Variants in LRRC9 observed in about 807,000 individuals in gnomAD.
LRRC9 encodes leucine-rich repeat-containing protein 9.
In LRRC9, 122 loss-of-function variants were observed where a neutral mutation model predicts 63.2. The observed-to-expected ratio is 1.93, with a 90% confidence interval of 1.67 to 2.24. LRRC9 has a LOEUF of 2.24. Ranked by LOEUF, LRRC9 falls within the 30% of genes most tolerant of loss-of-function variation. The pLI, the probability that LRRC9 is intolerant of heterozygous loss-of-function variation, is 0.00. For missense variants in LRRC9, 1,071 were observed against 627.7 expected, an observed-to-expected ratio of 1.71 and a Z score of -7.55; for synonymous variants, 366 against 213.1, an observed-to-expected ratio of 1.72 and a Z score of -6.25.
At chr14:59,979,994 CTCA>C (rs1247807081) in intron 15 of LRRC9, among the ~76,000 whole-genome samples, 1 of 151,830 alleles carries the variant, frequency 6.6e-6, no homozygotes, top group Admixed American at 6.6e-5. Context: ...AAAAGAAAAA[CTCA>C]TCATTTTAAT....
chr14:59,960,353 C>T (rs1226717367), intron 9 of LRRC9, among the ~76,000 whole-genome samples: 1 of 152,124 alleles, frequency 6.6e-6, no homozygotes, highest in Non-Finnish European at 1.5e-5. Flanking sequence ...TGGCAAAGCC[C>T]AAACACAGTA....
At chr14:59,978,278 A>T (rs1278565597) in intron 15 of LRRC9, 146 bp downstream of exon 15, 1 of 521,454 alleles carries the variant, frequency 1.9e-6, no homozygotes, top group East Asian at 3.1e-5. Flanking sequence ...TTAATTTTCA[A>T]AACAAGTCAA....
At chr14:60,013,643 G>A (rs2216389) in intron 23 of LRRC9, among the ~76,000 whole-genome samples, 7,776 of 152,032 alleles carry the variant, frequency 0.051, 626 homozygotes, top group African/African-American at 0.17. Context: ...TGGACTGACC[G>A]TTTTATCAGT....
chr14:60,039,041 G>A (rs554855970), intron 29 of LRRC9, among the ~76,000 whole-genome samples: 1 of 152,238 alleles, frequency 6.6e-6, no homozygotes, highest in South Asian at 2.1e-4. Flanking sequence ...TTTGTCCTTG[G>A]TTCTGTTTAT....
chr14:59,975,042 T>C (rs1470821363), intron 13 of LRRC9, among the ~76,000 whole-genome samples: 1 of 55,726 alleles, frequency 1.8e-5, no homozygotes, highest in African/African-American at 3.7e-5. Flanking sequence ...AGCATATATA[T>C]ATATATATAT....
At chr14:60,057,036 T>C (rs1894336475) in intron 30 of LRRC9, among the ~76,000 whole-genome samples, 1 of 152,208 alleles carries the variant, frequency 6.6e-6, no homozygotes, top group Non-Finnish European at 1.5e-5. Context: ...TGAGCAGCTT[T>C]AGTAAAAGGA....
chr14:59,931,499 G>A, intron 4 of LRRC9, 120 bp from the exon 5 acceptor site: 1 of 521,280 alleles, frequency 1.9e-6, no homozygotes, highest in Non-Finnish European at 3.4e-6. Context: ...TTCTGTGCTT[G>A]TGGAGTACAA....
intron 9 of LRRC9, among the ~76,000 whole-genome samples, 166 bp downstream of exon 9, chr14:59,960,180 T>C (rs1253276458): frequency 6.6e-6 from 1 of 152,212 alleles, no homozygotes; most frequent in East Asian, 1.9e-4. Flanking sequence ...CATATAAGCA[T>C]CATGGGATAA....
At chr14:59,946,682 G>C (rs1330442427) in intron 8 of LRRC9, among the ~76,000 whole-genome samples, 2 of 135,792 alleles carry the variant, frequency 1.5e-5, no homozygotes, top group African/African-American at 2.8e-5. Context: ...ACAGTCCCCA[G>C]AGTGTGATAT....
rs1029149868 is a variant in LRRC9, at chr14:59,932,812, G to A, written c.543+773G>A. ...CTGTGTTTGTCCTTTCCCTACTATA[G>A]ATCTGTTCTCCACACAGAAGCCTGA... On this transcript the variant is annotated intron_variant, in intron 6 of 31. Coordinates refer to ENST00000445360, the Ensembl canonical transcript of LRRC9. This position sits in a 1 kb window ranked among gnomAD's most constrained non-coding sequence, Gnocchi z 4.7. Among the ~76,000 whole-genome samples, 1 of 152,016 alleles carries A rather than the reference G, an allele frequency of 6.6e-6. No individual in the cohort carries two copies. Among genetic ancestry groups the A allele is most frequent in the African/African-American group, 2.4e-5 (1 of 41,392 alleles).
At chr14:60,049,698 T>C (rs947340222) in intron 29 of LRRC9, among the ~76,000 whole-genome samples, 2 of 152,216 alleles carry the variant, frequency 1.3e-5, no homozygotes, top group African/African-American at 4.8e-5. Flanking sequence ...TTCTTTCATT[T>C]TGACCTTGGA....
intron 9 of LRRC9, 22 bp downstream of exon 9, chr14:59,960,036 G>T (rs947965691): frequency 1.6e-6 from 1 of 630,336 alleles, no homozygotes; most frequent in African/African-American, 1.8e-5. Flanking sequence ...TAATTATCTA[G>T]TTGTTCTGAT....
chr14:59,954,358 C>G (rs1174021969), intron 8 of LRRC9, among the ~76,000 whole-genome samples: 1 of 151,840 alleles, frequency 6.6e-6, no homozygotes, highest in Non-Finnish European at 1.5e-5. Flanking sequence ...GTTTGTAGTT[C>G]TTGAAGAGGT....
rs1180681224 is a variant in LRRC9, at chr14:59,966,839, T to A, written c.1388+74T>A. ...ATTTGTAAAATTTCTATTTTAAAAG[T>A]TTACAGCATTAAAAATATACATATA... On this transcript the variant is annotated intron_variant, in intron 11 of 31. Transcript: ENST00000445360. This position sits in a 1 kb window ranked among gnomAD's most constrained non-coding sequence, Gnocchi z 4.0. 5.3e-6 allele frequency: 3 copies of A among 568,298 alleles called. No homozygotes were observed. Among genetic ancestry groups the A allele is most frequent in the Non-Finnish European group, 9.4e-6 (3 of 318,510 alleles). 35.2% of individuals were successfully genotyped at this position (568,298 alleles called of 1,614,324 possible). A position where few individuals can be genotyped will look rare whatever the true frequency, so the allele number is the denominator to read the frequency against.
chr14:60,032,480 C>G (rs984710983), intron 29 of LRRC9, among the ~76,000 whole-genome samples: 1 of 148,826 alleles, frequency 6.7e-6, no homozygotes, highest in Non-Finnish European at 1.5e-5. Context: ...ATTTTAGGAA[C>G]TAACTCCTCA....
In LRRC9 at chr14:59,977,866, G is replaced by T. The variant is rs1345574790; in HGVS notation, c.1763-151G>T. The T allele has an allele frequency of 1.2e-5, 6 of 508,034 alleles. No homozygotes were observed. The South Asian group carries it at 1.9e-4, about 16-fold the overall frequency. The allele number at this position is 508,034 out of a possible 1,614,324, so 31.5% of individuals were successfully genotyped here. On this transcript the variant is annotated intron_variant, in intron 14 of 31. Coordinates refer to ENST00000445360, the Ensembl canonical transcript of LRRC9. ...ATAACTGTCGCAACTTACTGAGTTTGTTATTTATTTAAAAATGAAAGAAAA... is the reference window on the plus strand; with the variant it reads ...ATAACTGTCGCAACTTACTGAGTTTTTTATTTATTTAAAAATGAAAGAAAA...
intron 22 of LRRC9, among the ~76,000 whole-genome samples, chr14:60,007,628 T>TA (rs1038401265): frequency 2.0e-5 from 3 of 152,180 alleles, no homozygotes; most frequent in African/African-American, 7.2e-5. Flanking sequence ...ATATTTGTCT[T>TA]AAACATAGTG....
chr14:60,056,828 CA>C (rs1894317929), intron 30 of LRRC9, among the ~76,000 whole-genome samples: 1 of 152,136 alleles, frequency 6.6e-6, no homozygotes, highest in Admixed American at 6.6e-5. Context: ...TGAAGTTTAT[CA>C]GTCAAATGTG....
Position 59,958,938 on chromosome 14 carries a change from C to T in LRRC9, c.883-880C>T, listed in dbSNP as rs544956832. Among the ~76,000 whole-genome samples, 1 of 152,314 alleles carries T rather than the reference C, an allele frequency of 6.6e-6. No homozygotes were observed. The highest frequency in any genetic ancestry group is 1.5e-5 in the Non-Finnish European group (1 of 68,030). ...TTCTGCTCACCCTCTGTGGGTTGGA[C>T]CCACTGTCTAACCAGTCTCACTGAG... On this transcript the variant is annotated intron_variant, in intron 8 of 31. Coordinates refer to ENST00000445360, the Ensembl canonical transcript of LRRC9. This position sits in a 1 kb window ranked among gnomAD's most constrained non-coding sequence, Gnocchi z 4.0.
Sources: gnomAD v4.1 joint callset for allele counts (sites outside exome capture counted in the v4.1 genomes callset) on GRCh38, gnomAD v4.1.1 for gene constraint, Gnocchi (gnomAD v3.1) non-coding constraint, MANE v1.5 for transcripts, NCBI Gene and HGNC (gene_info 2026-07-23, HGNC 2026-07-21) for gene names.